TNR: variants seen among roughly 807,000 people sequenced by gnomAD.
TNR encodes tenascin R.
TNR carries 45 observed loss-of-function variants against 150.4 expected under a neutral mutation model. The observed-to-expected ratio is 0.30, with a 90% confidence interval of 0.24 to 0.38. The LOEUF is 0.38. Ranked by LOEUF, TNR falls within the 10% of genes least tolerant of loss-of-function variation. TNR has a pLI of 1.00. For missense variants in TNR, 1,544 were observed against 1,759.1 expected, an observed-to-expected ratio of 0.88 and a Z score of 2.19; for synonymous variants, 687 against 678.4, an observed-to-expected ratio of 1.01 and a Z score of -0.20.
chr1:175,721,199 A>G (rs1164944850), intron 1 of TNR, among the ~76,000 whole-genome samples: 2 of 152,056 alleles, frequency 1.3e-5, no homozygotes, highest in African/African-American at 4.8e-5. Flanking sequence ...CCCCACCTCT[A>G]CTTCCCACAT....
chr1:175,586,281 T>C (rs1662565873), intron 1 of TNR, among the ~76,000 whole-genome samples: 1 of 152,134 alleles, frequency 6.6e-6, no homozygotes, highest in Non-Finnish European at 1.5e-5. Flanking sequence ...AAACATAGCT[T>C]TAGTTGTCTT....
chr1:175,520,371 G>A (rs534624818), intron 2 of TNR, among the ~76,000 whole-genome samples: 17 of 152,280 alleles, frequency 1.1e-4, no homozygotes, highest in East Asian at 7.7e-4. Flanking sequence ...CATGGCCACC[G>A]TTGTTCTGCA....
chr1:175,648,073 T>A (rs1428348526), intron 1 of TNR, among the ~76,000 whole-genome samples: 1 of 151,914 alleles, frequency 6.6e-6, no homozygotes, highest in Admixed American at 6.6e-5. Context: ...CCTCCACCCA[T>A]CAGAATTATA....
rs565757466 is a variant in TNR at position 175,533,081 on chromosome 1, C to T, written c.-164-4712G>A. 3.9e-5 allele frequency among the ~76,000 whole-genome samples: 6 copies of T among 152,258 alleles called. No individual in the cohort carries two copies. The East Asian group carries it at 1.2e-3, about 29-fold the overall frequency. On this transcript the variant is annotated intron_variant, in intron 1 of 22. Transcript: ENST00000367674. The stretch of plus-strand genomic sequence containing the variant: ...CAAATGCTTTGCGCTTTTGCTTTGT[C>T]AATAATGGTAAAGACAAGGAAAAAG...
chr1:175,470,348 A>C (rs1305443944), intron 2 of TNR, among the ~76,000 whole-genome samples: 1 of 152,188 alleles, frequency 6.6e-6, no homozygotes, highest in Non-Finnish European at 1.5e-5. Context: ...AGGGGAAGAC[A>C]AAATGCAAAA....
At chr1:175,721,177 T>C (rs1667288393) in intron 1 of TNR, among the ~76,000 whole-genome samples, 1 of 152,176 alleles carries the variant, frequency 6.6e-6, no homozygotes, top group African/African-American at 2.4e-5. Flanking sequence ...CTAACTGCCC[T>C]CACTAAAGCA....
At chr1:175,430,669 A>C (rs1156698168) in intron 2 of TNR, among the ~76,000 whole-genome samples, 3 of 152,158 alleles carry the variant, frequency 2.0e-5, no homozygotes, top group African/African-American at 7.2e-5. Flanking sequence ...TGCTCCTTCC[A>C]CTGTAGAACC....
At chr1:175,507,594 A>G (rs1269445079) in intron 2 of TNR, among the ~76,000 whole-genome samples, 1 of 150,792 alleles carries the variant, frequency 6.6e-6, no homozygotes, top group East Asian at 2.0e-4. Flanking sequence ...CTTCAGGCCT[A>G]TATAGCCTCA....
At chr1:175,364,058 C>T (rs1437955330) in intron 12 of TNR, among the ~76,000 whole-genome samples, 2 of 152,194 alleles carry the variant, frequency 1.3e-5, no homozygotes, top group Non-Finnish European at 2.9e-5. Context: ...TGAAGACAAG[C>T]TGGCAAGCTC....
At chr1:175,358,602 T>C (rs967721237) in intron 15 of TNR, among the ~76,000 whole-genome samples, 2 of 152,204 alleles carry the variant, frequency 1.3e-5, no homozygotes, top group East Asian at 3.9e-4. Flanking sequence ...CTGGTATCTT[T>C]GTTCTCTGGA....
At chr1:175,350,575 C>T (rs1557878934) in intron 18 of TNR, among the ~76,000 whole-genome samples, 2 of 152,118 alleles carry the variant, frequency 1.3e-5, no homozygotes, top group East Asian at 3.9e-4. Flanking sequence ...TAATTCCCTC[C>T]AGAGTCTTGT....
chr1:175,373,216 G>A (rs940992510), intron 9 of TNR, among the ~76,000 whole-genome samples: 16 of 152,236 alleles, frequency 1.1e-4, no homozygotes, highest in African/African-American at 3.6e-4. Context: ...AGGAAACAGG[G>A]CATGCAAAGG....
chr1:175,419,137 C>T (rs1013378861), intron 2 of TNR, among the ~76,000 whole-genome samples: 22 of 152,310 alleles, frequency 1.4e-4, no homozygotes, highest in African/African-American at 5.1e-4. Flanking sequence ...CTTTCTCTCA[C>T]TTTCTTGACA....
chr1:175,395,763 T>G (rs149650410), intron 5 of TNR, among the ~76,000 whole-genome samples: 248 of 152,362 alleles, frequency 1.6e-3, no homozygotes, highest in African/African-American at 5.6e-3. Context: ...AATTATTTCC[T>G]ATCTCCTTCT....
intron 2 of TNR, among the ~76,000 whole-genome samples, chr1:175,455,656 A>G (rs1216688737): frequency 6.6e-6 from 1 of 152,208 alleles, no homozygotes; most frequent in Admixed American, 6.5e-5. Context: ...GACATCCTGA[A>G]AAGCCAGAAG....
At position 175,688,209 on chromosome 1, in the gene TNR, G is replaced by A. The variant is rs904344810; in HGVS notation, c.-165+55017C>T. Among the ~76,000 whole-genome samples the A allele has an allele frequency of 1.3e-5, 2 of 152,314 alleles. 1 individual carries two copies. Among genetic ancestry groups the A allele is most frequent in the East Asian group, 3.9e-4 (2 of 5,170 alleles). ...CCAAGGTTCCAGAGCATTCTAGGCT[G>A]GGTACAGGGAGGAGCCCCAGTCCCA... is the stretch of plus-strand genomic sequence containing the variant. On this transcript the variant is annotated intron_variant, in intron 1 of 22. Transcript: ENST00000367674.
chr1:175,584,519 T>G (rs1459702306), intron 1 of TNR, among the ~76,000 whole-genome samples: 1 of 152,216 alleles, frequency 6.6e-6, no homozygotes, highest in South Asian at 2.1e-4. Context: ...TACTTTGTTA[T>G]GGCAACCCAA....
At chr1:175,560,787 G>A (rs61627363) in intron 1 of TNR, among the ~76,000 whole-genome samples, 208 of 152,208 alleles carry the variant, frequency 1.4e-3, no homozygotes, top group African/African-American at 4.7e-3. Context: ...GTGGTTTTAT[G>A]AGCATTTGTA....
intron 8 of TNR, among the ~76,000 whole-genome samples, chr1:175,385,769 A>T (rs533039870): frequency 1.5e-4 from 23 of 152,316 alleles, no homozygotes; most frequent in Non-Finnish European, 2.8e-4. Flanking sequence ...CCTGAGGCCC[A>T]TAGTGGGGAA....
Sources: allele counts gnomAD v4.1 joint callset (sites outside exome capture counted in the v4.1 genomes callset), GRCh38; gene constraint gnomAD v4.1.1; transcripts MANE v1.5; gene names NCBI Gene and HGNC (gene_info 2026-07-23, HGNC 2026-07-21).